PLXDC2: variants seen among roughly 807,000 people sequenced by gnomAD.
PLXDC2 encodes the protein plexin domain containing 2.
A neutral mutation model predicts 68.9 loss-of-function variants in PLXDC2; 40 were observed. The ratio of observed to expected loss-of-function variants is 0.58; its 90% CI spans 0.45 to 0.76. The LOEUF is 0.76. Ranked by LOEUF, PLXDC2 falls within the 30% of genes least tolerant of loss-of-function variation. The pLI, the probability that PLXDC2 is intolerant of heterozygous loss-of-function variation, is 0.00. For missense variants in PLXDC2, 644 were observed against 661.9 expected, an observed-to-expected ratio of 0.97 and a Z score of 0.30; for synonymous variants, 243 against 234.2, an observed-to-expected ratio of 1.04 and a Z score of -0.34.
At chr10:19,961,266 C>T (rs1240103234) in intron 1 of PLXDC2, among the ~76,000 whole-genome samples, 1 of 152,178 alleles carries the variant, frequency 6.6e-6, no homozygotes, top group Non-Finnish European at 1.5e-5. Context: ...ATTGATTCTC[C>T]CTGCATATAT....
At chr10:19,867,065 T>TCTC (rs139268985) in intron 1 of PLXDC2, among the ~76,000 whole-genome samples, 2 of 34,802 alleles carry the variant, frequency 5.7e-5, no homozygotes, top group East Asian at 1.2e-3. Context: ...CCTTTCCCTC[T>TCTC]TTTTTTTTTT....
chr10:19,907,970 A>C (rs1429166594), intron 1 of PLXDC2, among the ~76,000 whole-genome samples: 1 of 152,210 alleles, frequency 6.6e-6, no homozygotes, highest in South Asian at 2.1e-4. Flanking sequence ...CTCATGCTTC[A>C]AAATCTTTCA....
At chr10:20,255,125 T>A (rs1835725133) in intron 13 of PLXDC2, among the ~76,000 whole-genome samples, 1 of 152,148 alleles carries the variant, frequency 6.6e-6, no homozygotes, top group Non-Finnish European at 1.5e-5. Flanking sequence ...CCTAATTATT[T>A]CAATGCTACA....
intron 3 of PLXDC2, among the ~76,000 whole-genome samples, chr10:20,061,743 A>G (rs1046528444): frequency 1.3e-5 from 2 of 152,224 alleles, no homozygotes; most frequent in Non-Finnish European, 2.9e-5. Context: ...ACACCTGCAT[A>G]TACAATACTT....
At chr10:19,858,487 G>A (rs183025807) in intron 1 of PLXDC2, among the ~76,000 whole-genome samples, 4 of 152,230 alleles carry the variant, frequency 2.6e-5, no homozygotes, top group Admixed American at 2.0e-4. Context: ...CACCAAATTA[G>A]GCATTCATTG....
At chr10:20,189,071 A>C (rs1332818743) in intron 9 of PLXDC2, among the ~76,000 whole-genome samples, 1 of 129,188 alleles carries the variant, frequency 7.7e-6, no homozygotes, top group Non-Finnish European at 1.9e-5. Context: ...GTCCTGAAAT[A>C]TAGCATAAAC....
intron 4 of PLXDC2, among the ~76,000 whole-genome samples, chr10:20,124,332 G>C (rs777393203): frequency 6.6e-6 from 1 of 152,166 alleles, no homozygotes; most frequent in African/African-American, 2.4e-5. Flanking sequence ...AAAGGAGAAA[G>C]TGGTTGAGGG....
intron 2 of PLXDC2, among the ~76,000 whole-genome samples, chr10:20,013,237 A>G (rs1391354012): frequency 6.6e-6 from 1 of 152,174 alleles, no homozygotes; most frequent in Non-Finnish European, 1.5e-5. Flanking sequence ...TTTATTTTGA[A>G]TTCACAGTGT....
chr10:20,017,835 C>T (rs373063278), intron 2 of PLXDC2, among the ~76,000 whole-genome samples: 25 of 152,106 alleles, frequency 1.6e-4, no homozygotes, highest in South Asian at 1.4e-3. Context: ...TAAATAGTTC[C>T]GGTGTTAAAA....
intron 1 of PLXDC2, among the ~76,000 whole-genome samples, chr10:19,875,066 A>C (rs978928920): frequency 1.3e-5 from 2 of 152,126 alleles, no homozygotes; most frequent in Admixed American, 6.5e-5. Context: ...AGCCAATCAT[A>C]TTTTTCTCAG....
intron 1 of PLXDC2, among the ~76,000 whole-genome samples, chr10:19,890,676 CTTTTTTTTTTTTTTT>C (rs56921191): frequency 3.3e-4 from 20 of 61,134 alleles, no homozygotes; most frequent in Non-Finnish European, 4.3e-4. Flanking sequence ...CGCCCGGCTG[CTTTTTTTTTTTTTTT>C]TTTTTTTTTT....
At chr10:20,050,714 A>G (rs192539301) in intron 3 of PLXDC2, among the ~76,000 whole-genome samples, 91 of 151,592 alleles carry the variant, frequency 6.0e-4, no homozygotes, top group African/African-American at 2.1e-3. Flanking sequence ...AACAAAAACA[A>G]AACAAACAAA....
chr10:19,944,543 A>G (rs1833870643), intron 1 of PLXDC2, among the ~76,000 whole-genome samples: 1 of 152,254 alleles, frequency 6.6e-6, no homozygotes. Context: ...TGAATTGGGC[A>G]GTCCCTGAAA....
At chr10:19,889,330 G>A (rs961763637) in intron 1 of PLXDC2, among the ~76,000 whole-genome samples, 4 of 151,552 alleles carry the variant, frequency 2.6e-5, no homozygotes, top group African/African-American at 9.7e-5. Flanking sequence ...TCATGCTCTT[G>A]GGACCGTGAA....
intron 2 of PLXDC2, among the ~76,000 whole-genome samples, chr10:20,040,917 T>C (rs1270952866): frequency 6.6e-6 from 1 of 152,224 alleles, no homozygotes; most frequent in Non-Finnish European, 1.5e-5. Flanking sequence ...TAAAACTTTA[T>C]TTTTGTACTT....
At chr10:19,911,840 C>G (rs1325918651) in intron 1 of PLXDC2, among the ~76,000 whole-genome samples, 1 of 152,076 alleles carries the variant, frequency 6.6e-6, no homozygotes, top group East Asian at 1.9e-4. Flanking sequence ...TGTTACAGAT[C>G]AGTATTTAAT....
At chr10:20,119,793 G>A (rs1471534836) in intron 4 of PLXDC2, among the ~76,000 whole-genome samples, 1 of 151,762 alleles carries the variant, frequency 6.6e-6, no homozygotes, top group Non-Finnish European at 1.5e-5. Context: ...TTGTGGTAAG[G>A]GGTGATATTG....
intron 1 of PLXDC2, among the ~76,000 whole-genome samples, chr10:19,831,500 C>G (rs1836692349): frequency 6.6e-6 from 1 of 152,020 alleles, no homozygotes; most frequent in Non-Finnish European, 1.5e-5. Flanking sequence ...GCTTGTGCCA[C>G]AGGGGTTTGC....
At chr10:20,183,197 T>A (rs1429113263) in intron 9 of PLXDC2, among the ~76,000 whole-genome samples, 1 of 151,884 alleles carries the variant, frequency 6.6e-6, no homozygotes, top group African/African-American at 2.4e-5. Context: ...AGGGGATATG[T>A]AAGCCAGGAA....
Sources: gnomAD v4.1 joint callset for allele counts (sites outside exome capture counted in the v4.1 genomes callset) on GRCh38, gnomAD v4.1.1 for gene constraint, MANE v1.5 for transcripts, NCBI Gene and HGNC (gene_info 2026-07-23, HGNC 2026-07-21) for gene names.